Variants in NCKAP5 observed in about 807,000 individuals in gnomAD.
The protein encoded by NCKAP5 is nck-associated protein 5.
Under a neutral mutation model 167.0 loss-of-function variants are expected in NCKAP5, and 92 were observed. The ratio of observed to expected loss-of-function variants is 0.55; its 90% CI spans 0.47 to 0.66. The LOEUF (loss-of-function observed/expected upper bound fraction) is 0.66, where lower values mean the gene tolerates loss of function less well. Ranked by LOEUF, NCKAP5 falls within the 30% of genes least tolerant of loss-of-function variation. The pLI, the probability that NCKAP5 is intolerant of heterozygous loss-of-function variation, is 0.00. For synonymous variants in NCKAP5, 891 were observed against 877.4 expected (o/e 1.02, Z -0.27); for missense variants, 2,378 against 2,315.0 (o/e 1.03, Z -0.56).
intron 8 of NCKAP5, among the ~76,000 whole-genome samples, chr2:132,921,085 G>C (rs1021932988): frequency 6.6e-6 from 1 of 151,600 alleles, no homozygotes; most frequent in East Asian, 1.9e-4. Flanking sequence ...TCCCAGAGAG[G>C]ATCTTCTCAT....
At chr2:132,843,547 TACTCATCCATTCA>T in intron 11 of NCKAP5, among the ~76,000 whole-genome samples, 1 of 144,888 alleles carries the variant, frequency 6.9e-6, no homozygotes, top group Non-Finnish European at 1.5e-5. Flanking sequence ...CAAGTATCTT[TACTCATCCATTCA>T]TTTTTCCCTT....
chr2:133,353,343 T>C (rs1303018993), intron 3 of NCKAP5, among the ~76,000 whole-genome samples: 1 of 152,168 alleles, frequency 6.6e-6, no homozygotes, highest in Non-Finnish European at 1.5e-5. Flanking sequence ...GACCCTCTGC[T>C]CCCAGTTTTC....
intron 16 of NCKAP5, among the ~76,000 whole-genome samples, chr2:132,761,156 G>A (rs561995616): frequency 1.3e-5 from 2 of 152,324 alleles, no homozygotes; most frequent in East Asian, 1.9e-4. Context: ...GCCCTTTGGA[G>A]TCCAGCTTTA....
chr2:133,431,463 G>C (rs758956026), intron 3 of NCKAP5, among the ~76,000 whole-genome samples: 5 of 152,162 alleles, frequency 3.3e-5, no homozygotes, highest in Non-Finnish European at 7.3e-5. Flanking sequence ...ACAGCTTGGA[G>C]GCCCTGAAGG....
intron 6 of NCKAP5, among the ~76,000 whole-genome samples, chr2:133,091,608 C>T (rs2081185981): frequency 6.6e-6 from 1 of 152,114 alleles, no homozygotes; most frequent in Admixed American, 6.6e-5. Flanking sequence ...AGATGCTTGG[C>T]CAGGCGCAGT....
chr2:132,749,586 G>A (rs1044741496), intron 16 of NCKAP5, among the ~76,000 whole-genome samples: 5 of 152,120 alleles, frequency 3.3e-5, no homozygotes, highest in Non-Finnish European at 7.3e-5. Context: ...GCACTACCAA[G>A]CCGTATCCCC....
intron 6 of NCKAP5, among the ~76,000 whole-genome samples, chr2:133,092,184 G>C (rs1272662380): frequency 6.6e-6 from 1 of 152,200 alleles, no homozygotes; most frequent in Non-Finnish European, 1.5e-5. Context: ...AGGCAGTTAA[G>C]ACAAGGTCAT....
chr2:133,392,246 C>T (rs1293305685), intron 3 of NCKAP5, among the ~76,000 whole-genome samples: 1 of 152,118 alleles, frequency 6.6e-6, no homozygotes, highest in Non-Finnish European at 1.5e-5. Flanking sequence ...TAAATACTTA[C>T]CATTGTGTTG....
chr2:133,557,609 AAAATCTAAG>A (rs1687833485), intron 2 of NCKAP5, among the ~76,000 whole-genome samples: 1 of 152,194 alleles, frequency 6.6e-6, no homozygotes, highest in Non-Finnish European at 1.5e-5. Flanking sequence ...ACATAGAGGG[AAAATCTAAG>A]AAAGCTACTC....
chr2:133,396,858 T>C (rs1040121349), intron 3 of NCKAP5, among the ~76,000 whole-genome samples: 1 of 152,224 alleles, frequency 6.6e-6, no homozygotes, highest in Admixed American at 6.5e-5. Context: ...ACTGTAAGTA[T>C]AATGGGAAGG....
intron 3 of NCKAP5, among the ~76,000 whole-genome samples, chr2:133,393,203 T>C (rs976643301): frequency 1.3e-5 from 2 of 152,210 alleles, no homozygotes; most frequent in African/African-American, 2.4e-5. Context: ...TTATCAGAGA[T>C]TCAAGTTGAA....
intron 2 of NCKAP5, among the ~76,000 whole-genome samples, chr2:133,546,628 T>C (rs1048589280): frequency 6.6e-6 from 1 of 152,074 alleles, no homozygotes; most frequent in African/African-American, 2.4e-5. Flanking sequence ...ACCCTGTGCC[T>C]AGAATATGCC....
rs16824768 is a variant in NCKAP5, at chr2:133,431,069, T to C, written c.69+86389A>G. 7.1e-3 allele frequency among the ~76,000 whole-genome samples: 1,082 copies of C among 152,272 alleles called. 9 individuals carry two copies. The highest frequency in any genetic ancestry group is 0.024 in the African/African-American group (997 of 41,570). On this transcript the variant is annotated intron_variant, in intron 3 of 19. Transcript: ENST00000409261. ...AGCTACACAATGTTTTCATTTTTCATGGAAATAAAGCTTCATTTCATTTCT... is the reference window on the plus strand; with the variant it reads ...AGCTACACAATGTTTTCATTTTTCACGGAAATAAAGCTTCATTTCATTTCT...
intron 5 of NCKAP5, among the ~76,000 whole-genome samples, chr2:133,138,177 G>C (rs530458790): frequency 2.0e-5 from 3 of 152,028 alleles, no homozygotes; most frequent in African/African-American, 7.2e-5. Context: ...AGAAAAAGAA[G>C]GGGGGGTACT....
chr2:133,179,677 G>C (rs1032878363), intron 5 of NCKAP5, among the ~76,000 whole-genome samples: 1 of 152,046 alleles, frequency 6.6e-6, no homozygotes, highest in African/African-American at 2.4e-5. Flanking sequence ...AGAACTAAAA[G>C]AAAATTTAGT....
chr2:133,558,961 C>T (rs1033599243), intron 2 of NCKAP5, 89 bp downstream of exon 2: 1 of 151,932 alleles, frequency 6.6e-6, no homozygotes, highest in Non-Finnish European at 1.5e-5. Flanking sequence ...CAAGGGCCTA[C>T]GTCGTCCTCA....
chr2:133,083,065 T>C (rs575691967), intron 6 of NCKAP5, among the ~76,000 whole-genome samples: 1 of 152,226 alleles, frequency 6.6e-6, no homozygotes, highest in East Asian at 1.9e-4. Context: ...CAGGATACCC[T>C]GTGAGTTTCT....
chr2:133,048,517 T>C (rs575757860), intron 6 of NCKAP5, among the ~76,000 whole-genome samples: 3 of 152,356 alleles, frequency 2.0e-5, no homozygotes, highest in South Asian at 4.1e-4. Flanking sequence ...TGGTTTATAA[T>C]GGATACTTGT....
At chr2:133,244,449 A>G (rs901531292) in intron 4 of NCKAP5, among the ~76,000 whole-genome samples, 6 of 152,214 alleles carry the variant, frequency 3.9e-5, no homozygotes, top group African/African-American at 9.7e-5. Context: ...GTATTTATAT[A>G]ACCCTATTTT....
Sources: allele counts gnomAD v4.1 joint callset (sites outside exome capture counted in the v4.1 genomes callset), GRCh38; gene constraint gnomAD v4.1.1; transcripts MANE v1.5; gene names NCBI Gene and HGNC (gene_info 2026-07-23, HGNC 2026-07-21).